Variants in KNDC1 observed in about 807,000 individuals in gnomAD.
KNDC1 encodes the protein kinase non-catalytic C-lobe domain containing 1, also known as kinase non-catalytic C-lobe domain-containing protein 1.
KNDC1 carries 106 observed loss-of-function variants against 172.8 expected under a neutral mutation model. That is an observed-to-expected ratio of 0.61 (90% CI 0.52 to 0.72). The LOEUF is 0.72. Among genes scored for constraint, KNDC1 ranks in the 30% least tolerant of loss-of-function variants. KNDC1 has a pLI of 0.00. For synonymous variants in KNDC1, 1,083 were observed against 1,062.2 expected (o/e 1.02, Z -0.38); for missense variants, 2,325 against 2,394.5 (o/e 0.97, Z 0.61).
Position 133,196,192 on chromosome 10 carries a change from G to A in KNDC1, c.1734+371G>A, listed in dbSNP as rs1012040667. ...CCCTGCTGGAGGGGAGCAGAGAGAGGCCTCCACACCTCACCCCCCACCCCG... is the reference window on the plus strand; with the variant it reads ...CCCTGCTGGAGGGGAGCAGAGAGAGACCTCCACACCTCACCCCCCACCCCG... On this transcript the variant is annotated intron_variant, in intron 10 of 29. Transcript: ENST00000304613. Among the ~76,000 whole-genome samples, 15 of 152,262 alleles carry A rather than the reference G, an allele frequency of 9.9e-5. No individual in the cohort carries two copies. The East Asian group carries it at 2.5e-3, about 26-fold the overall frequency.
chr10:133,196,467 C>A (rs375753803), intron 10 of KNDC1, among the ~76,000 whole-genome samples: 12 of 152,244 alleles, frequency 7.9e-5, no homozygotes, highest in African/African-American at 2.6e-4. Flanking sequence ...TGGGGAGGAG[C>A]CGTGTCTGGG....
At chr10:133,186,953 G>T (rs1853937335) in intron 6 of KNDC1, among the ~76,000 whole-genome samples, 1 of 152,128 alleles carries the variant, frequency 6.6e-6, no homozygotes. Context: ...TCCTCACACA[G>T]CCCCGCACGG....
rs749712577 is a variant in KNDC1, at chr10:133,224,691, C to T, written c.5051C>T (p.Ala1684Val). The change falls in exon 30 of 30, where the codon GCG becomes GTG. Residue 1684 changes from alanine (A) to valine (V), a missense_variant. Coordinates refer to ENST00000304613, the MANE Select transcript of KNDC1 (RefSeq NM_152643.8). The surrounding 1 kb of genome is among the most constrained non-coding windows in gnomAD (Gnocchi z 5.4). The part of the protein sequence containing the change: ...NIAKVVSQVH[A>V]FQENPYTFSP... ...GCAAAGGTGGTGAGCCAGGTGCACG[C>T]GTTCCAGGAGAACCCTTACACCTTC... 2.7e-5 allele frequency: 44 copies of T among 1,613,928 alleles called. 1 individual carries two copies. Among genetic ancestry groups the T allele is most frequent in the Non-Finnish European group, 3.1e-5 (37 of 1,179,990 alleles).
At chr10:133,207,022 T>C (rs1845216007) in intron 19 of KNDC1, 69 bp downstream of exon 19, 1 of 1,553,302 alleles carries the variant, frequency 6.4e-7, no homozygotes, top group African/African-American at 1.4e-5. Flanking sequence ...CACTGTTGGA[T>C]GCTGTAAATC....
At chr10:133,184,463 TCA>T (rs1206879823) in intron 5 of KNDC1, among the ~76,000 whole-genome samples, 14 of 152,220 alleles carry the variant, frequency 9.2e-5, no homozygotes, top group African/African-American at 2.9e-4. Flanking sequence ...ACACTGACAG[TCA>T]CACACGAGTG....
intron 9 of KNDC1, among the ~76,000 whole-genome samples, chr10:133,190,751 G>A (rs923259615): frequency 1.3e-5 from 2 of 152,234 alleles, no homozygotes; most frequent in Admixed American, 1.3e-4. Context: ...GCAATAGATC[G>A]TTCACCTTTA....
In KNDC1 at chr10:133,207,248, T is replaced by C. The variant is rs1366724788; in HGVS notation, c.3691T>C (p.Ser1231Pro). The C allele has an allele frequency of 1.2e-6, 2 of 1,613,046 alleles. No individual in the cohort carries two copies. Among genetic ancestry groups the C allele is most frequent in the South Asian group, 1.1e-5 (1 of 91,092 alleles). The change falls in exon 20 of 30, where the codon TCG (serine) becomes CCG (proline). Residue 1231 changes from serine (S) to proline (P), a missense_variant. Ser to Pro is a moderately conservative substitution (Grantham distance 74). Coordinates refer to ENST00000304613, the MANE Select transcript of KNDC1 (RefSeq NM_152643.8). ...LDFSPLDESS[S>P]LIFYNVNKHP... Reference sequence around the variant, plus strand: ...CTTCAGCCCCCTGGACGAGTCCTCCTCGCTCATCTTCTACAACGTCAACAA... The same window carrying C: ...CTTCAGCCCCCTGGACGAGTCCTCCCCGCTCATCTTCTACAACGTCAACAA...
At chr10:133,168,650 A>T (rs1486795079) in intron 3 of KNDC1, among the ~76,000 whole-genome samples, 1 of 152,194 alleles carries the variant, frequency 6.6e-6, no homozygotes, top group Non-Finnish European at 1.5e-5. Context: ...ATGCGAATTT[A>T]CTACACTTAA....
At chr10:133,191,422 G>A (rs377683018) in intron 9 of KNDC1, among the ~76,000 whole-genome samples, 2 of 151,642 alleles carry the variant, frequency 1.3e-5, no homozygotes, top group African/African-American at 4.9e-5. Context: ...CAACAGGGCC[G>A]GGTGTGGTGG....
chr10:133,224,734 C>G lies in KNDC1; in HGVS notation c.5094C>G (p.Leu1698=), dbSNP rs1845686323. The change falls in exon 30 of 30, where the codon CTC becomes CTG. Residue 1698 remains leucine, a synonymous_variant. Coordinates refer to ENST00000304613, the MANE Select transcript of KNDC1 (RefSeq NM_152643.8). This position sits in a 1 kb window ranked among gnomAD's most constrained non-coding sequence, Gnocchi z 5.4. ...ACACCTTCAGCCCCGACCCCAAGCT[C>G]CAGTCGTACCTCAAGCAGAGGATTG... ...NPYTFSPDPK[L]QSYLKQRIAR... is the part of the protein sequence containing the mutation. 1.2e-6 allele frequency: 2 copies of G among 1,613,992 alleles called. No homozygotes were observed. Among genetic ancestry groups the G allele is most frequent in the East Asian group, 2.2e-5 (1 of 44,894 alleles).
chr10:133,220,826 G>A (rs1422188930), intron 29 of KNDC1, among the ~76,000 whole-genome samples: 1 of 151,648 alleles, frequency 6.6e-6, no homozygotes, highest in East Asian at 2.0e-4. Context: ...GGTCAGGAGG[G>A]GCTCAGGTGG....
At chr10:133,205,404 T>C (rs1845157857) in intron 17 of KNDC1, among the ~76,000 whole-genome samples, 1 of 152,232 alleles carries the variant, frequency 6.6e-6, no homozygotes, top group African/African-American at 2.4e-5. Context: ...GCTTCCCTCA[T>C]GGCGACAGCC....
chr10:133,206,061 A>G (rs1008561343), intron 17 of KNDC1, among the ~76,000 whole-genome samples: 4 of 151,776 alleles, frequency 2.6e-5, no homozygotes, highest in Non-Finnish European at 5.9e-5. Context: ...TTAGCCGGGC[A>G]TGGTGGTGCA....
intron 15 of KNDC1, 30 bp downstream of exon 15, chr10:133,199,632 G>A (rs373854081): frequency 5.6e-6 from 9 of 1,607,518 alleles, no homozygotes; most frequent in South Asian, 5.5e-5. Flanking sequence ...CTGCATTCCC[G>A]CCCCTCCCTG....
intron 9 of KNDC1, among the ~76,000 whole-genome samples, chr10:133,191,137 G>A (rs181552966): frequency 3.9e-5 from 6 of 152,232 alleles, no homozygotes; most frequent in East Asian, 1.9e-4. Context: ...CCAGGAGTTC[G>A]AGACCAGCCT....
At position 133,189,668 on chromosome 10, in the gene KNDC1, C is replaced by A; in HGVS notation, c.1512C>A (p.Asn504Lys). The change falls in exon 8 of 30, where the codon AAC (asparagine) becomes AAA (lysine). Residue 504 changes from asparagine (N) to lysine (K), a missense_variant and splice_region_variant. Transcript: ENST00000304613. ...GAVLFQPPPA[N>K]GSYDSFFLAP... ...TGCTCTTCCAGCCACCCCCTGCCAA[C>A]GGTGAGTGTGTGGGTTCCCCTCAGG... 1 of 1,613,952 alleles carries A rather than the reference C, an allele frequency of 6.2e-7. No individual in the cohort carries two copies. The highest frequency in any genetic ancestry group is 8.5e-7 in the Non-Finnish European group (1 of 1,179,986).
At chr10:133,171,740 A>G (rs1487671257) in intron 3 of KNDC1, among the ~76,000 whole-genome samples, 1 of 152,080 alleles carries the variant, frequency 6.6e-6, no homozygotes, top group South Asian at 2.1e-4. Context: ...CTTCCTAAGT[A>G]GCTGAGACTG....
intron 29 of KNDC1, among the ~76,000 whole-genome samples, chr10:133,221,761 A>G (rs1479224451): frequency 6.6e-6 from 1 of 152,226 alleles, no homozygotes; most frequent in Non-Finnish European, 1.5e-5. Flanking sequence ...CAGAAAACCC[A>G]TGTCAGCAAA....
At chr10:133,187,350 C>T (rs929664316) in intron 6 of KNDC1, among the ~76,000 whole-genome samples, 5 of 152,266 alleles carry the variant, frequency 3.3e-5, no homozygotes, top group African/African-American at 9.6e-5. Context: ...CAGCCGAAGA[C>T]GCTTGGGCCA....
Sources: gnomAD v4.1 joint callset for allele counts (sites outside exome capture counted in the v4.1 genomes callset) on GRCh38, gnomAD v4.1.1 for gene constraint, Gnocchi (gnomAD v3.1) non-coding constraint, MANE v1.5 for transcripts, NCBI Gene and HGNC (gene_info 2026-07-23, HGNC 2026-07-21) for gene names.